ADCY1: variants seen among roughly 807,000 people sequenced by gnomAD.
ADCY1 encodes the protein adenylate cyclase type 1.
A neutral mutation model predicts 105.4 loss-of-function variants in ADCY1; 28 were observed. That is an observed-to-expected ratio of 0.27 (90% CI 0.20 to 0.36). ADCY1 has a LOEUF of 0.36. Ranked by LOEUF, ADCY1 falls within the 10% of genes least tolerant of loss-of-function variation. The probability of loss-of-function intolerance (pLI) is 1.00; values close to 1 mark genes in which losing one functional copy is unlikely to be tolerated. For synonymous variants in ADCY1, 655 were observed against 623.8 expected (o/e 1.05, Z -0.75); for missense variants, 977 against 1,434.2 (o/e 0.68, Z 5.15).
chr7:45,675,490 A>G (rs1019787144), intron 8 of ADCY1, among the ~76,000 whole-genome samples: 6 of 152,064 alleles, frequency 3.9e-5, no homozygotes, highest in African/African-American at 9.7e-5. Context: ...TGATGTTCCA[A>G]CATTCCTTCT....
At position 45,708,374 on chromosome 7, in the gene ADCY1, C is replaced by G. The variant is rs779982138; in HGVS notation, c.2842C>G (p.Leu948Val). 6.2e-7 allele frequency: 1 copy of G among 1,614,214 alleles called. No homozygotes were observed. Among genetic ancestry groups the G allele is most frequent in the East Asian group, 2.2e-5 (1 of 44,892 alleles). The change falls in exon 18 of 20, where the codon CTG becomes GTG. Residue 948 changes from leucine to valine, a missense_variant. By Grantham distance (32) the Leu-to-Val change is conservative. Coordinates refer to ENST00000297323, the MANE Select transcript of ADCY1 (RefSeq NM_021116.4). The surrounding 1 kb of genome is among the most constrained non-coding windows in gnomAD (Gnocchi z 4.7). Reference sequence around the variant, plus strand: ...GGCTAAGAAGTCCATCTCCTCCCACCTGAGCACGCTGGCGGACTTTGCCAT... The same window carrying G: ...GGCTAAGAAGTCCATCTCCTCCCACGTGAGCACGCTGGCGGACTTTGCCAT... ...TKAKKSISSHLSTLADFAIEM... is the reference protein window; with the variant it reads ...TKAKKSISSHVSTLADFAIEM...
intron 1 of ADCY1, among the ~76,000 whole-genome samples, chr7:45,583,567 C>T (rs1792626092): frequency 6.6e-6 from 1 of 152,230 alleles, no homozygotes; most frequent in East Asian, 1.9e-4. Context: ...GGAAGTGGCT[C>T]AGCCTGAGAA....
chr7:45,635,297 A>G (rs79873706), intron 4 of ADCY1, among the ~76,000 whole-genome samples: 3,105 of 151,884 alleles, frequency 0.02, 87 homozygotes, highest in South Asian at 0.13. Context: ...AAGTTTATCA[A>G]TTTCATTGAG....
chr7:45,713,471 G>C (rs1269780931), intron 19 of ADCY1, among the ~76,000 whole-genome samples: 1 of 152,256 alleles, frequency 6.6e-6, no homozygotes, highest in East Asian at 1.9e-4. Flanking sequence ...AGTCCGCTGG[G>C]TTGTCTTTGC....
chr7:45,631,159 T>C (rs2115970832), intron 4 of ADCY1, among the ~76,000 whole-genome samples: 1 of 152,364 alleles, frequency 6.6e-6, no homozygotes, highest in East Asian at 1.9e-4. Flanking sequence ...GTTAAAACTA[T>C]GCAGGTATTT....
Position 45,653,837 on chromosome 7 carries a change from C to T in ADCY1, c.1149-3890C>T, listed in dbSNP as rs148930691. On this transcript the variant is annotated intron_variant, in intron 5 of 19. Transcript: ENST00000297323. The stretch of plus-strand genomic sequence containing the variant: ...CCCTAGGAAGTTGCTCCTAGTCAGC[C>T]AGTTCTGGCCTACCAAAATGGCATT... 1.4e-3 allele frequency among the ~76,000 whole-genome samples: 206 copies of T among 152,328 alleles called. 1 individual carries two copies. The highest frequency in any genetic ancestry group is 2.1e-3 in the Non-Finnish European group (145 of 68,030).
chr7:45,579,196 A>G (rs1792445254), intron 1 of ADCY1, among the ~76,000 whole-genome samples: 1 of 152,116 alleles, frequency 6.6e-6, no homozygotes, highest in Non-Finnish European at 1.5e-5. Flanking sequence ...CTCGTGGCCT[A>G]GGTGTGCGCT....
rs762376437 is a variant in ADCY1, at chr7:45,713,701, G to A, written c.3066G>A (p.Glu1022=). 1 of 779,960 alleles carries A rather than the reference G, an allele frequency of 1.3e-6. No homozygotes were observed. The highest frequency in any genetic ancestry group is 2.4e-6 in the Non-Finnish European group (1 of 417,698). 48.3% of individuals were successfully genotyped at this position (779,960 alleles called of 1,614,324 possible). A position where few individuals can be genotyped will look rare whatever the true frequency, so the allele number is the denominator to read the frequency against. The change falls in exon 20 of 20, where the codon GAG becomes GAA. Residue 1022 remains glutamate (E), a synonymous_variant. Transcript: ENST00000297323. ...TGVQGRIQVT[E]EVHRLLRRCP... ...CTTCTCTCCATCAACAGGTGACTGA[G>A]GAAGTCCACCGGCTGCTGAGAAGGT...
chr7:45,647,310 G>T lies in ADCY1; in HGVS notation c.1021-1360G>T, dbSNP rs1794688083. ...TCCCTGTCCTGACTCACTCTGTGCTGGCCATGGTTCCTTTTCTCTAAGAAT... is the reference window on the plus strand; with the variant it reads ...TCCCTGTCCTGACTCACTCTGTGCTTGCCATGGTTCCTTTTCTCTAAGAAT... On this transcript the variant is annotated intron_variant, in intron 4 of 19. Transcript: ENST00000297323. This position sits in a 1 kb window ranked among gnomAD's most constrained non-coding sequence, Gnocchi z 4.6. 6.6e-6 allele frequency among the ~76,000 whole-genome samples: 1 copy of T among 152,234 alleles called. No homozygotes were observed. Among genetic ancestry groups the T allele is most frequent in the African/African-American group, 2.4e-5 (1 of 41,468 alleles).
intron 1 of ADCY1, among the ~76,000 whole-genome samples, chr7:45,582,075 C>T (rs1792565355): frequency 6.6e-6 from 1 of 151,998 alleles, no homozygotes; most frequent in African/African-American, 2.4e-5. Flanking sequence ...ACAGTACACT[C>T]ACAAATACAT....
In ADCY1 at chr7:45,678,016, C is replaced by T. The variant is rs2116184402; in HGVS notation, c.1753C>T (p.Leu585=). 1 of 1,614,160 alleles carries T rather than the reference C, an allele frequency of 6.2e-7. No homozygotes were observed. Among genetic ancestry groups the T allele is most frequent in the Non-Finnish European group, 8.5e-7 (1 of 1,180,034 alleles). Residue 585 remains leucine, a synonymous_variant, in exon 9 of 20, where the codon CTG becomes TTG. Transcript: ENST00000297323. ...CCAGACAGAGCTGGAGATGGCAGAC[C>T]TGAACTTCTTTACCCTGAAGTACAA... ...ARQTELEMAD[L]NFFTLKYKHV...
At chr7:45,584,658 A>G (rs1053300378) in intron 1 of ADCY1, among the ~76,000 whole-genome samples, 3 of 152,048 alleles carry the variant, frequency 2.0e-5, no homozygotes, top group Non-Finnish European at 2.9e-5. Flanking sequence ...ACTGCATTCT[A>G]TGCTCCCTGT....
In ADCY1 at chr7:45,696,671, G is replaced by A. The variant is rs536300568; in HGVS notation, c.2455-6705G>A. 5.1e-4 allele frequency among the ~76,000 whole-genome samples: 77 copies of A among 152,212 alleles called. 1 individual carries two copies. The Middle Eastern group carries it at 0.014, about 27-fold the overall frequency. ...CCGTTCAGCTTCAGAGTGCTCCCCC[G>A]TAGGATGGCCTCCCTCACATTCTGA... On this transcript the variant is annotated intron_variant, in intron 14 of 19. Coordinates refer to ENST00000297323, the MANE Select transcript of ADCY1 (RefSeq NM_021116.4).
chr7:45,695,586 A>G (rs1784864758), intron 14 of ADCY1, among the ~76,000 whole-genome samples: 1 of 152,198 alleles, frequency 6.6e-6, no homozygotes, highest in African/African-American at 2.4e-5. Context: ...CTCCCTCCAC[A>G]GCAGTCAAGA....
At position 45,660,107 on chromosome 7, in the gene ADCY1, A is replaced by G; in HGVS notation, c.1373A>G (p.Tyr458Cys). 1 of 1,614,250 alleles carries G rather than the reference A, an allele frequency of 6.2e-7. No individual in the cohort carries two copies. Among genetic ancestry groups the G allele is most frequent in the Non-Finnish European group, 8.5e-7 (1 of 1,180,040 alleles). The change falls in exon 7 of 20, where the codon TAC becomes TGC. Residue 458 changes from tyrosine (Y) to cysteine (C), a missense_variant. Transcript: ENST00000297323. ...GGGGACTACGAGGTAGAACCGGGTTACGGACATGAGAGGAACAGTTTCTTG... is the reference window on the plus strand; with the variant it reads ...GGGGACTACGAGGTAGAACCGGGTTGCGGACATGAGAGGAACAGTTTCTTG... ...LNGDYEVEPG[Y>C]GHERNSFLKT...
At chr7:45,658,528 C>CG (rs1021942582) in intron 6 of ADCY1, among the ~76,000 whole-genome samples, 5 of 152,346 alleles carry the variant, frequency 3.3e-5, no homozygotes, top group African/African-American at 1.2e-4. Flanking sequence ...AGAACACTGG[C>CG]TGCCCCTCAG....
intron 4 of ADCY1, among the ~76,000 whole-genome samples, chr7:45,641,654 C>T (rs1194774780): frequency 2.6e-5 from 4 of 151,934 alleles, no homozygotes; most frequent in East Asian, 1.9e-4. Flanking sequence ...CGGCCGGGCG[C>T]GGTGGCTCAC....
Position 45,628,495 on chromosome 7 carries a change from C to CT in ADCY1, c.1020+5753dup, listed in dbSNP as rs148665398. Reference sequence around the variant, plus strand: ...CCTTGCAGAGTGACCTGCCCAGACTCTATCAGGGGTGGAGGGTGAGCGGTT... The same window carrying CT: ...CCTTGCAGAGTGACCTGCCCAGACTCTTATCAGGGGTGGAGGGTGAGCGGTT... On this transcript the variant is annotated intron_variant, in intron 4 of 19. Coordinates refer to ENST00000297323, the MANE Select transcript of ADCY1 (RefSeq NM_021116.4). 1.2e-3 allele frequency among the ~76,000 whole-genome samples: 188 copies of CT among 152,276 alleles called. 1 individual carries two copies. The highest frequency in any genetic ancestry group is 2.2e-3 in the Non-Finnish European group (149 of 68,024).
At chr7:45,698,000 C>T (rs1432598171) in intron 14 of ADCY1, among the ~76,000 whole-genome samples, 1 of 152,204 alleles carries the variant, frequency 6.6e-6, no homozygotes, top group Admixed American at 6.5e-5. Flanking sequence ...ATGACATCAC[C>T]ACAGCCTCAT....
Sources: gnomAD v4.1 joint callset for allele counts (sites outside exome capture counted in the v4.1 genomes callset) on GRCh38, gnomAD v4.1.1 for gene constraint, Gnocchi (gnomAD v3.1) non-coding constraint, MANE v1.5 for transcripts, NCBI Gene and HGNC (gene_info 2026-07-23, HGNC 2026-07-21) for gene names.